PRKCB: variants seen among roughly 807,000 people sequenced by gnomAD.
PRKCB encodes protein kinase C beta type.
PRKCB carries 13 observed loss-of-function variants against 81.5 expected under a neutral mutation model. The ratio of observed to expected loss-of-function variants is 0.16; its 90% confidence interval spans 0.10 to 0.25. PRKCB has a LOEUF of 0.25. PRKCB is among the 10% of genes least tolerant of loss of function. The pLI, the probability that PRKCB is intolerant of heterozygous loss-of-function variation, is 1.00. For missense variants in PRKCB, 509 were observed against 875.7 expected (o/e 0.58, Z 5.29); for synonymous variants, 335 against 321.4 (o/e 1.04, Z -0.45).
chr16:23,896,941 C>T (rs1963389599), intron 2 of PRKCB, among the ~76,000 whole-genome samples: 1 of 151,910 alleles, frequency 6.6e-6, no homozygotes, highest in Non-Finnish European at 1.5e-5. Flanking sequence ...TCCATCCATT[C>T]ATCCATCCAT....
intron 16 of PRKCB, among the ~76,000 whole-genome samples, chr16:24,207,855 C>T (rs912473543): frequency 6.6e-6 from 1 of 152,094 alleles, no homozygotes; most frequent in African/African-American, 2.4e-5. Context: ...GTGTTCCTGG[C>T]AGAGGAGGCA....
chr16:24,107,936 G>T (rs1270700803), intron 7 of PRKCB, among the ~76,000 whole-genome samples: 1 of 152,144 alleles, frequency 6.6e-6, no homozygotes, highest in East Asian at 1.9e-4. Context: ...ATTGAATTGT[G>T]CCCCAAGAAA....
intron 5 of PRKCB, among the ~76,000 whole-genome samples, chr16:24,062,880 G>A (rs866607662): frequency 2.6e-5 from 4 of 151,862 alleles, no homozygotes; most frequent in Non-Finnish European, 5.9e-5. Context: ...TCTTCTCTGT[G>A]GCTCAAGAGC....
chr16:24,105,971 T>C (rs1310721933), intron 7 of PRKCB, among the ~76,000 whole-genome samples: 4 of 152,150 alleles, frequency 2.6e-5, no homozygotes, highest in Non-Finnish European at 5.9e-5. Flanking sequence ...TTTCTTTTTC[T>C]TTCCTATTTC....
chr16:24,162,269 G>A (rs1967268726), intron 10 of PRKCB, among the ~76,000 whole-genome samples: 1 of 151,914 alleles, frequency 6.6e-6, no homozygotes, highest in Non-Finnish European at 1.5e-5. Context: ...GGTAACTCGG[G>A]CTCAGCTCTG....
At chr16:23,919,652 TCAA>T (rs910699718) in intron 2 of PRKCB, among the ~76,000 whole-genome samples, 1 of 152,172 alleles carries the variant, frequency 6.6e-6, no homozygotes, top group Non-Finnish European at 1.5e-5. Flanking sequence ...AACTCAAAAC[TCAA>T]CAATTCTCCA....
chr16:24,163,629 G>A (rs1567397937), intron 10 of PRKCB, among the ~76,000 whole-genome samples: 1 of 152,234 alleles, frequency 6.6e-6, no homozygotes, highest in Non-Finnish European at 1.5e-5. Flanking sequence ...AAAGCTAGAG[G>A]AGCATCAATT....
At chr16:24,073,216 T>C (rs1027535112) in intron 5 of PRKCB, among the ~76,000 whole-genome samples, 6 of 152,246 alleles carry the variant, frequency 3.9e-5, no homozygotes, top group Admixed American at 2.6e-4. Flanking sequence ...ATATTTTGAC[T>C]ATCAGCCCTG....
At chr16:24,100,266 G>T (rs389769) in intron 7 of PRKCB, among the ~76,000 whole-genome samples, 1 of 151,544 alleles carries the variant, frequency 6.6e-6, no homozygotes, top group African/African-American at 2.4e-5. Context: ...CCTCTTGGCC[G>T]AGGAGGGGGT....
chr16:24,173,289 GTCAT>G (rs1567401560), intron 11 of PRKCB, among the ~76,000 whole-genome samples: 1 of 152,160 alleles, frequency 6.6e-6, no homozygotes, highest in Non-Finnish European at 1.5e-5. Context: ...ATTTCATCAT[GTCAT>G]TCCCCTGCTT....
Position 24,035,411 on chromosome 16 carries a change from C to A in PRKCB, c.401-8C>A. On this transcript the variant is annotated splice_polypyrimidine_tract_variant and splice_region_variant and intron_variant, in intron 4 of 16. Transcript: ENST00000643927. ...CCTAAGCCACATCCCCTCTCTCTGC[C>A]CTCACAGCCTGCATGATGAATGTGC... The A allele has an allele frequency of 6.2e-7, 1 of 1,613,008 alleles. No individual in the cohort carries two copies. Among genetic ancestry groups the A allele is most frequent in the Non-Finnish European group, 8.5e-7 (1 of 1,179,430 alleles).
intron 8 of PRKCB, among the ~76,000 whole-genome samples, chr16:24,120,343 C>T (rs540169639): frequency 1.3e-5 from 2 of 152,236 alleles, no homozygotes; most frequent in East Asian, 3.9e-4. Flanking sequence ...GTGCCCACCT[C>T]AAGTTTCAAA....
intron 2 of PRKCB, among the ~76,000 whole-genome samples, chr16:23,961,078 T>C (rs1388424924): frequency 1.3e-5 from 2 of 152,182 alleles, no homozygotes; most frequent in East Asian, 3.8e-4. Context: ...GATTTTTGCT[T>C]ATTTTTTTTT....
intron 2 of PRKCB, among the ~76,000 whole-genome samples, chr16:23,901,106 T>G (rs1450588330): frequency 6.6e-6 from 1 of 152,186 alleles, no homozygotes; most frequent in African/African-American, 2.4e-5. Context: ...ATTAATTTTT[T>G]TTCCTAATCA....
At chr16:23,848,459 G>A (rs955856892) in intron 2 of PRKCB, among the ~76,000 whole-genome samples, 4 of 152,184 alleles carry the variant, frequency 2.6e-5, no homozygotes, top group African/African-American at 7.2e-5. Flanking sequence ...TTTCATGTCA[G>A]TCATATTGTT....
chr16:23,859,533 G>A (rs1415442944), intron 2 of PRKCB, among the ~76,000 whole-genome samples: 1 of 152,158 alleles, frequency 6.6e-6, no homozygotes, highest in African/African-American at 2.4e-5. Context: ...GATGTGTGCT[G>A]TAATGGTGGA....
intron 15 of PRKCB, 138 bp downstream of exon 15, chr16:24,185,705 G>A: frequency 1.4e-6 from 1 of 699,252 alleles, no homozygotes; most frequent in Non-Finnish European, 2.4e-6. Flanking sequence ...TGAGAACCCT[G>A]ATGTGGAGCT....
intron 2 of PRKCB, among the ~76,000 whole-genome samples, chr16:23,853,588 C>T (rs181286596): frequency 4.8e-4 from 73 of 152,294 alleles, no homozygotes; most frequent in Non-Finnish European, 6.8e-4. Context: ...CCATAATTTC[C>T]TTTGTCTTTC....
At position 24,216,810 on chromosome 16, in the gene PRKCB, A is replaced by G. The variant is rs536459323; in HGVS notation, c.*1994A>G. On this transcript the variant is annotated 3_prime_UTR_variant, in exon 17 of 17. Coordinates refer to ENST00000643927, the MANE Select transcript of PRKCB (RefSeq NM_002738.7). ...AGCTCCCTCACTTTATTGTTGAGAA[A>G]CTGGCATCTGGAAAGAGGAAGGAAT... The G allele has an allele frequency of 2.5e-4, 250 of 985,458 alleles. No homozygotes were observed. The highest frequency in any genetic ancestry group is 2.4e-3 in the African/African-American group (135 of 57,358). The allele number at this position is 985,458 out of a possible 1,614,324, so 61.0% of individuals were successfully genotyped here.
Sources: gnomAD v4.1 joint callset for allele counts (sites outside exome capture counted in the v4.1 genomes callset) on GRCh38, gnomAD v4.1.1 for gene constraint, MANE v1.5 for transcripts, NCBI Gene and HGNC (gene_info 2026-07-23, HGNC 2026-07-21) for gene names.